ABCA12: variants seen among roughly 807,000 people sequenced by gnomAD.
ABCA12 encodes ATP binding cassette subfamily A member 12.
ABCA12 carries 156 observed loss-of-function variants against 293.5 expected under a neutral mutation model. That is an observed-to-expected ratio of 0.53 (90% CI 0.47 to 0.61). ABCA12 has a LOEUF of 0.61. ABCA12 is among the 20% of genes least tolerant of loss of function. ABCA12 has a pLI of 0.00. For missense variants in ABCA12, 2,797 were observed against 3,090.2 expected, an observed-to-expected ratio of 0.91 and a Z score of 2.25; for synonymous variants, 1,063 against 1,108.0, an observed-to-expected ratio of 0.96 and a Z score of 0.81.
intron 3 of ABCA12, among the ~76,000 whole-genome samples, chr2:215,060,103 G>A (rs1701498896): frequency 6.6e-6 from 1 of 152,010 alleles, no homozygotes; most frequent in South Asian, 2.1e-4. Context: ...AATGTCTTAT[G>A]GTACCTGTGT....
intron 2 of ABCA12, among the ~76,000 whole-genome samples, chr2:215,070,660 T>C (rs960898718): frequency 1.2e-4 from 18 of 151,618 alleles, no homozygotes; most frequent in African/African-American, 4.4e-4. Flanking sequence ...TTGTGATAGT[T>C]TACTGAGAAT....
At chr2:215,120,424 A>C (rs1702782040) in intron 1 of ABCA12, among the ~76,000 whole-genome samples, 1 of 152,200 alleles carries the variant, frequency 6.6e-6, no homozygotes, top group Non-Finnish European at 1.5e-5. Context: ...GCTAGTTGGA[A>C]TGGATAATAT....
intron 2 of ABCA12, among the ~76,000 whole-genome samples, chr2:215,110,117 T>C (rs1205832857): frequency 6.6e-6 from 1 of 152,282 alleles, no homozygotes; most frequent in African/African-American, 2.4e-5. Flanking sequence ...ATAACTAATA[T>C]ACACATAATA....
chr2:215,084,076 C>T (rs1477617261), intron 2 of ABCA12, among the ~76,000 whole-genome samples: 1 of 152,082 alleles, frequency 6.6e-6, no homozygotes, highest in Non-Finnish European at 1.5e-5. Flanking sequence ...CTCCTGGGAT[C>T]AAGTGATCCT....
At chr2:215,105,358 C>T (rs141774007) in intron 2 of ABCA12, among the ~76,000 whole-genome samples, 7 of 152,208 alleles carry the variant, frequency 4.6e-5, no homozygotes, top group South Asian at 2.1e-4. Context: ...CATGCATCAA[C>T]GTGGGAGTGA....
intron 2 of ABCA12, among the ~76,000 whole-genome samples, chr2:215,069,865 T>TA (rs1047538584): frequency 3.3e-5 from 5 of 152,204 alleles, no homozygotes; most frequent in Middle Eastern, 3.4e-3. Flanking sequence ...AGAGACTGGA[T>TA]AAAAAAATAA....
At position 214,987,734 on chromosome 2, in the gene ABCA12, G is replaced by T. The variant is rs114863111; in HGVS notation, c.3889C>A (p.Arg1297=). Residue 1297 remains arginine, a synonymous_variant, in exon 27 of 53, where the codon CGA becomes AGA. Transcript: ENST00000272895. Reference sequence around the variant, plus strand: ...GGCTTCACCTCTGCACACCCAAATCGCTCCTTCCAATAGGAAGGAAGAATT... The same window carrying T: ...GGCTTCACCTCTGCACACCCAAATCTCTCCTTCCAATAGGAAGGAAGAATT... ...FPILPSYWKE[R]FGCAEVKPEK... 3.1e-6 allele frequency: 5 copies of T among 1,613,800 alleles called. No homozygotes were observed. The highest frequency in any genetic ancestry group is 1.3e-5 in the African/African-American group (1 of 74,888).
intron 39 of ABCA12, chr2:214,960,292 A>C (rs570562885): frequency 6.6e-6 from 1 of 152,276 alleles, no homozygotes; most frequent in African/African-American, 2.4e-5. Flanking sequence ...GGCCCTTTTT[A>C]ACTGAGATTC....
chr2:215,041,303 C>G (rs980268723), intron 7 of ABCA12, among the ~76,000 whole-genome samples: 1 of 152,076 alleles, frequency 6.6e-6, no homozygotes, highest in African/African-American at 2.4e-5. Flanking sequence ...CCTGTAATCC[C>G]AGCACTTTGG....
chr2:215,054,618 A>T lies in ABCA12; in HGVS notation c.364T>A (p.Ser122Thr). 1.6e-5 allele frequency: 26 copies of T among 1,612,270 alleles called. No homozygotes were observed. The highest frequency in any genetic ancestry group is 2.2e-5 in the Non-Finnish European group (26 of 1,178,664). The change falls in exon 4 of 53, where the codon TCA (serine) becomes ACA (threonine). Residue 122 changes from serine (S) to threonine (T), a missense_variant. Around this residue, in one of 3 missense-constraint regions of ABCA12, gnomAD observed 656 missense variants for 638.2 expected, o/e 1.03. Transcript: ENST00000272895. ...TCTGGAACTTGGGTGCTCTGGAATG[A>T]TAAACTGCTGTCCTTATCCAGGTTG... Reference protein sequence around the residue: ...SSNLDKDSSLSFQSTQVPERR... With the variant: ...SSNLDKDSSLTFQSTQVPERR...
chr2:214,958,238 A>C, intron 41 of ABCA12, 39 bp downstream of exon 41: 1 of 1,612,034 alleles, frequency 6.2e-7, no homozygotes, highest in Non-Finnish European at 8.5e-7. Context: ...ATCCAAATTG[A>C]TCTTTTATTC....
intron 3 of ABCA12, among the ~76,000 whole-genome samples, chr2:215,059,133 A>G (rs1015528103): frequency 6.6e-6 from 1 of 152,034 alleles, no homozygotes; most frequent in African/African-American, 2.4e-5. Context: ...TTAAATTTGT[A>G]TATGTATTTT....
chr2:215,006,389 C>A (rs1013361321), intron 19 of ABCA12, among the ~76,000 whole-genome samples: 3 of 151,992 alleles, frequency 2.0e-5, no homozygotes, highest in Admixed American at 6.6e-5. Flanking sequence ...GAATTAGAAC[C>A]AAAAATTAAT....
At position 214,932,530 on chromosome 2, in the gene ABCA12, T is replaced by C; in HGVS notation, c.*104A>G. ...AGTTGTAACTTTCCATACAGTATAT[T>C]ACTTTACTTTAAAATGAAGATATCT... On this transcript the variant is annotated 3_prime_UTR_variant, in exon 53 of 53. Transcript: ENST00000272895. 1.1e-6 allele frequency: 1 copy of C among 877,814 alleles called. No individual in the cohort carries two copies. Among genetic ancestry groups the C allele is most frequent in the Non-Finnish European group, 1.9e-6 (1 of 535,938 alleles). The allele number at this position is 877,814 out of a possible 1,614,324, so 54.4% of individuals were successfully genotyped here.
chr2:214,971,206 CAAGAACATA>C (rs965113918), intron 36 of ABCA12, among the ~76,000 whole-genome samples: 16 of 152,220 alleles, frequency 1.1e-4, no homozygotes, highest in African/African-American at 3.9e-4. Flanking sequence ...CTGTCTATCT[CAAGAACATA>C]AAGTTCCAGC....
intron 40 of ABCA12, among the ~76,000 whole-genome samples, chr2:214,958,748 T>A (rs774779840): frequency 3.9e-5 from 6 of 152,154 alleles, no homozygotes; most frequent in Admixed American, 2.0e-4. Flanking sequence ...ATAGGAACCA[T>A]ACTTAATTGC....
chr2:215,018,535 A>C (rs1700555297), intron 13 of ABCA12, among the ~76,000 whole-genome samples: 1 of 152,222 alleles, frequency 6.6e-6, no homozygotes, highest in Non-Finnish European at 1.5e-5. Context: ...TTTAGGACAA[A>C]GTTTGATAAA....
chr2:215,022,605 T>C (rs1022700588), intron 11 of ABCA12: 3 of 152,186 alleles, frequency 2.0e-5, no homozygotes, highest in Admixed American at 6.6e-5. Context: ...AGCCCTTCTC[T>C]CTTTTATCAC....
At position 215,045,954 on chromosome 2, in the gene ABCA12, A is replaced by C. The variant is rs1575007574; in HGVS notation, c.755T>G (p.Phe252Cys). 1.2e-6 allele frequency: 2 copies of C among 1,613,726 alleles called. No homozygotes were observed. The highest frequency in any genetic ancestry group is 4.5e-5 in the East Asian group (2 of 44,850). ...TTTCTGCTCTTGCACTTGTGAGAAG[A>C]AAGACAGCATTCTGACTATTTCCTG... Reference protein sequence around the residue: ...VFQEIVRMLSFFSQVQEQKAV... With the variant: ...VFQEIVRMLSCFSQVQEQKAV... The change falls in exon 7 of 53, where the codon TTC becomes TGC. Residue 252 changes from phenylalanine (F) to cysteine (C), a missense_variant. Physicochemically the swap from Phe to Cys is radical, Grantham distance 205. Around this residue, in one of 3 missense-constraint regions of ABCA12, gnomAD observed 656 missense variants for 638.2 expected, o/e 1.03. Coordinates refer to ENST00000272895, the MANE Select transcript of ABCA12 (RefSeq NM_173076.3).
Sources: gnomAD v4.1 joint callset for allele counts (sites outside exome capture counted in the v4.1 genomes callset) on GRCh38, gnomAD v4.1.1 for gene constraint, gnomAD v4.1.1 regional missense constraint, MANE v1.5 for transcripts, NCBI Gene and HGNC (gene_info 2026-07-23, HGNC 2026-07-21) for gene names.